The following CCDC80 variants were observed in gnomAD, a reference collection of about 807,000 sequenced individuals.
CCDC80 encodes the protein coiled-coil domain containing 80.
CCDC80 carries 49 observed loss-of-function variants against 78.7 expected under a neutral mutation model. The ratio of observed to expected loss-of-function variants is 0.62; its 90% confidence interval spans 0.50 to 0.79. The LOEUF (loss-of-function observed/expected upper bound fraction) is 0.79. CCDC80 is among the 30% of genes least tolerant of loss of function. The pLI, the probability that CCDC80 is intolerant of heterozygous loss-of-function variation, is 0.00. For missense variants in CCDC80, 1,205 were observed against 1,198.6 expected (o/e 1.01, Z -0.08); for synonymous variants, 488 against 447.0 (o/e 1.09, Z -1.16).
intron 3 of CCDC80, among the ~76,000 whole-genome samples, chr3:112,621,913 T>G (rs1447485675): frequency 1.3e-5 from 2 of 152,232 alleles, no homozygotes; most frequent in Non-Finnish European, 2.9e-5. Flanking sequence ...CCCTGTCCAG[T>G]CTTGTATCTC....
rs903114682 is a variant in CCDC80, at chr3:112,638,565, G to A, written c.1341C>T (p.Pro447=). ...TTGTGCTGGGTTCTGAGATGGTGGT[G>A]GGAGGGGCATTTGTGAAGCTCTCCA... The part of the protein sequence containing the change: ...TSLESFTNAP[P]TTISEPSTRA... Residue 447 remains proline (P), a synonymous_variant, in exon 2 of 8, where the codon CCC becomes CCT. Transcript: ENST00000206423. 2.4e-5 allele frequency: 39 copies of A among 1,614,114 alleles called. No homozygotes were observed. Among genetic ancestry groups the A allele is most frequent in the Non-Finnish European group, 3.3e-5 (39 of 1,180,026 alleles).
At chr3:112,629,309 C>G (rs1298670149) in intron 3 of CCDC80, among the ~76,000 whole-genome samples, 1 of 146,932 alleles carries the variant, frequency 6.8e-6, no homozygotes, top group Non-Finnish European at 1.5e-5. Context: ...AAACCATGAA[C>G]AACAACAAAA....
intron 3 of CCDC80, among the ~76,000 whole-genome samples, chr3:112,626,997 CA>C (rs34288148): frequency 6.6e-6 from 1 of 152,164 alleles, no homozygotes; most frequent in Admixed American, 6.5e-5. Context: ...AAGAAGTTAT[CA>C]AAAAACTTCC....
chr3:112,612,736 G>A (rs1935655859), intron 5 of CCDC80, among the ~76,000 whole-genome samples: 1 of 152,130 alleles, frequency 6.6e-6, no homozygotes, highest in Non-Finnish European at 1.5e-5. Context: ...TGAACCAAAT[G>A]AGTGCTGTTG....
At chr3:112,606,645 G>C (rs565335901) in intron 7 of CCDC80, among the ~76,000 whole-genome samples, 3 of 148,376 alleles carry the variant, frequency 2.0e-5, no homozygotes, top group Non-Finnish European at 4.5e-5. Flanking sequence ...GGCTGGTTTC[G>C]AACTCCTGAC....
At chr3:112,632,139 T>G (rs1168437417) in intron 2 of CCDC80, among the ~76,000 whole-genome samples, 1 of 152,208 alleles carries the variant, frequency 6.6e-6, no homozygotes, top group African/African-American at 2.4e-5. Flanking sequence ...TGTTTTTAAT[T>G]AGCTTTATGG....
chr3:112,621,053 T>C (rs1276004715), intron 3 of CCDC80, among the ~76,000 whole-genome samples: 1 of 152,028 alleles, frequency 6.6e-6, no homozygotes, highest in East Asian at 1.9e-4. Context: ...AAGTTGGAGA[T>C]TGTAGTAGAT....
intron 3 of CCDC80, among the ~76,000 whole-genome samples, chr3:112,627,134 A>G (rs1935993452): frequency 6.6e-6 from 1 of 151,972 alleles, no homozygotes; most frequent in African/African-American, 2.4e-5. Flanking sequence ...ATTTCCCCCC[A>G]CTTCTTTTTT....
At chr3:112,612,947 C>A (rs924418722) in intron 5 of CCDC80, among the ~76,000 whole-genome samples, 2 of 148,042 alleles carry the variant, frequency 1.4e-5, no homozygotes, top group African/African-American at 5.1e-5. Flanking sequence ...GGTAGCTCTT[C>A]CTGGATGGCA....
At chr3:112,607,865 C>G (rs1935546503) in intron 6 of CCDC80, among the ~76,000 whole-genome samples, 1 of 152,232 alleles carries the variant, frequency 6.6e-6, no homozygotes, top group African/African-American at 2.4e-5. Context: ...GAATTTATAA[C>G]AGCTTTTAGG....
intron 6 of CCDC80, among the ~76,000 whole-genome samples, chr3:112,609,744 T>C (rs1935587022): frequency 6.6e-6 from 1 of 151,180 alleles, no homozygotes; most frequent in Non-Finnish European, 1.5e-5. Context: ...TTCAAACACA[T>C]GAATGAAGAA....
chr3:112,611,633 C>A (rs1165294277), intron 5 of CCDC80, among the ~76,000 whole-genome samples: 1 of 152,202 alleles, frequency 6.6e-6, no homozygotes, highest in Non-Finnish European at 1.5e-5. Context: ...GTTTCCCCGA[C>A]CTACTACCCT....
At position 112,601,101 on chromosome 3, in the gene CCDC80, G is replaced by C. The variant is rs999280032; in HGVS notation, c.*4316C>G. 2.0e-5 allele frequency: 3 copies of C among 152,312 alleles called. No homozygotes were observed. The highest frequency in any genetic ancestry group is 4.8e-5 in the African/African-American group (2 of 41,558). The allele number at this position is 152,312 out of a possible 1,614,324, so 9.4% of individuals were successfully genotyped here. ...TAAGAACTGAGTTCTAAAGTCACTT[G>C]AGCTTTCTGGAGCTCAGTTACCTGT... On this transcript the variant is annotated 3_prime_UTR_variant, in exon 8 of 8. Coordinates refer to ENST00000206423, the MANE Select transcript of CCDC80 (RefSeq NM_199511.3).
intron 3 of CCDC80, among the ~76,000 whole-genome samples, chr3:112,621,999 A>T (rs962628951): frequency 1.3e-5 from 2 of 152,250 alleles, no homozygotes; most frequent in Admixed American, 1.3e-4. Context: ...GTCTCTCAGA[A>T]AACCCAATCT....
At chr3:112,630,864 C>A (rs1936083429) in intron 2 of CCDC80, among the ~76,000 whole-genome samples, 1 of 152,188 alleles carries the variant, frequency 6.6e-6, no homozygotes, top group Non-Finnish European at 1.5e-5. Flanking sequence ...ATTCAGCCTG[C>A]ACAGAGTTGG....
intron 2 of CCDC80, among the ~76,000 whole-genome samples, chr3:112,632,961 T>C (rs556665204): frequency 1.3e-5 from 2 of 152,220 alleles, no homozygotes; most frequent in East Asian, 3.9e-4. Context: ...CAGAGAGGCA[T>C]AGAGAAAGAA....
At position 112,600,804 on chromosome 3, in the gene CCDC80, GGC is replaced by G. The variant is rs1412767138; in HGVS notation, c.*4611_*4612del. 1.3e-5 allele frequency: 2 copies of G among 152,018 alleles called. No homozygotes were observed. Among genetic ancestry groups the G allele is most frequent in the African/African-American group, 4.8e-5 (2 of 41,394 alleles). The allele number at this position is 152,018 out of a possible 1,614,324, so 9.4% of individuals were successfully genotyped here. A position where few individuals can be genotyped will look rare whatever the true frequency, so the allele number is the denominator to read the frequency against. ...CAGGTGTGAGCCCCTCACTGCTCCT[GGC>G]TCCCTCATTATTATATTTCCTGAAG... On this transcript the variant is annotated 3_prime_UTR_variant, in exon 8 of 8. Coordinates refer to ENST00000206423, the MANE Select transcript of CCDC80 (RefSeq NM_199511.3).
At chr3:112,625,153 T>G (rs936260206) in intron 3 of CCDC80, among the ~76,000 whole-genome samples, 10 of 152,174 alleles carry the variant, frequency 6.6e-5, no homozygotes, top group Admixed American at 6.5e-5. Flanking sequence ...GAAAATGTGT[T>G]CAATCATACT....
In CCDC80 at chr3:112,603,348, C is replaced by G; in HGVS notation, c.*2069G>C. The G allele has an allele frequency of 6.6e-6, 1 of 151,682 alleles. No homozygotes were observed. The highest frequency in any genetic ancestry group is 2.4e-5 in the African/African-American group (1 of 41,280). 9.4% of individuals were successfully genotyped at this position (151,682 alleles called of 1,614,324 possible). On this transcript the variant is annotated 3_prime_UTR_variant, in exon 8 of 8. Coordinates refer to ENST00000206423, the MANE Select transcript of CCDC80 (RefSeq NM_199511.3). ...TGACTAACATGGTGAAACCCCATCT[C>G]TACTAAAAATACAAAAATAAGCTGG...
Sources: allele counts gnomAD v4.1 joint callset (sites outside exome capture counted in the v4.1 genomes callset), GRCh38; gene constraint gnomAD v4.1.1; transcripts MANE v1.5; gene names NCBI Gene and HGNC (gene_info 2026-07-23, HGNC 2026-07-21).